ZFC3H1: variants seen among roughly 807,000 people sequenced by gnomAD.
ZFC3H1 encodes zinc finger C3H1-type containing.
A neutral mutation model predicts 243.7 loss-of-function variants in ZFC3H1; 71 were observed. That is an observed-to-expected ratio of 0.29 (90% confidence interval 0.24 to 0.36). The LOEUF is 0.36. ZFC3H1 is among the 10% of genes least tolerant of loss of function. ZFC3H1 has a pLI of 1.00. For missense variants in ZFC3H1, 1,966 were observed against 2,317.1 expected (o/e 0.85, Z 3.11); for synonymous variants, 838 against 813.0 (o/e 1.03, Z -0.52).
At chr12:71,616,350 G>A (rs187757647) in intron 27 of ZFC3H1, among the ~76,000 whole-genome samples, 2 of 152,204 alleles carry the variant, frequency 1.3e-5, no homozygotes, top group East Asian at 3.9e-4. Flanking sequence ...CTCACATACA[G>A]CCATACACAC....
chr12:71,613,508 C>A, intron 30 of ZFC3H1, 73 bp from the exon 31 acceptor site: 1 of 1,010,468 alleles, frequency 9.9e-7, no homozygotes, highest in East Asian at 2.6e-5. Context: ...TGTTTTAACA[C>A]GAAAACCAAA....
chr12:71,650,237 C>T (rs1390333070), intron 2 of ZFC3H1, among the ~76,000 whole-genome samples: 2 of 152,104 alleles, frequency 1.3e-5, no homozygotes, highest in Non-Finnish European at 2.9e-5. Flanking sequence ...GATCACACCA[C>T]TGCACTCCAG....
At chr12:71,632,799 A>T (rs898265503) in intron 14 of ZFC3H1, 87 bp downstream of exon 14, 1 of 1,522,810 alleles carries the variant, frequency 6.6e-7, no homozygotes, top group Admixed American at 2.4e-5. Context: ...TACAGCAAAG[A>T]GTTACTTTAT....
chr12:71,612,136 C>G (rs1255249500), intron 31 of ZFC3H1, among the ~76,000 whole-genome samples: 1 of 152,084 alleles, frequency 6.6e-6, no homozygotes, highest in Non-Finnish European at 1.5e-5. Context: ...TTCTATAGGA[C>G]ATGAAAGCAT....
At chr12:71,629,259 G>C (rs1044571403) in intron 19 of ZFC3H1, among the ~76,000 whole-genome samples, 1 of 150,926 alleles carries the variant, frequency 6.6e-6, no homozygotes, top group Non-Finnish European at 1.5e-5. Flanking sequence ...TCCGCCTCTC[G>C]GGTTCAAGTG....
At chr12:71,611,120 G>T in intron 32 of ZFC3H1, 23 bp from the exon 33 acceptor site, 1 of 1,103,308 alleles carries the variant, frequency 9.1e-7, no homozygotes. Flanking sequence ...AAAAAAAAAA[G>T]AAATATAGAA....
intron 24 of ZFC3H1, among the ~76,000 whole-genome samples, chr12:71,621,813 G>A (rs771446920): frequency 2.0e-4 from 26 of 131,676 alleles, no homozygotes; most frequent in African/African-American, 5.6e-4. Context: ...CAACCCCCCC[G>A]CCTCACCCCC....
In ZFC3H1 at chr12:71,632,293, T is replaced by C. The variant is rs1880341744; in HGVS notation, c.3039A>G (p.Ser1013=). The stretch of plus-strand genomic sequence containing the variant: ...ATTTATCTTGTGTCAGATCATGAAG[T>C]GAGGGTTGAGGTAAAGAAAATTCGG... The part of the protein sequence containing the change: ...EEPEFSLPQP[S]LHDLTQDKLT... Residue 1013 remains serine (S), a synonymous_variant, in exon 15 of 35, where the codon TCA becomes TCG. Coordinates refer to ENST00000378743, the MANE Select transcript of ZFC3H1 (RefSeq NM_144982.5). The C allele has an allele frequency of 1.2e-6, 2 of 1,613,840 alleles. No individual in the cohort carries two copies. Among genetic ancestry groups the C allele is most frequent in the African/African-American group, 1.3e-5 (1 of 75,002 alleles).
chr12:71,628,709 A>G lies in ZFC3H1; in HGVS notation c.3946+209T>C, dbSNP rs539419288. On this transcript the variant is annotated intron_variant, in intron 20 of 34. Coordinates refer to ENST00000378743, the MANE Select transcript of ZFC3H1 (RefSeq NM_144982.5). ...GCAGTGCTCCTTGCATTTACTGGAGAGGAGCCATGAACACAAATATCCCGC... is the reference window on the plus strand; with the variant it reads ...GCAGTGCTCCTTGCATTTACTGGAGGGGAGCCATGAACACAAATATCCCGC... 1.8e-4 allele frequency among the ~76,000 whole-genome samples: 28 copies of G among 152,344 alleles called. 1 individual carries two copies. The South Asian group carries it at 3.5e-3, about 19-fold the overall frequency.
At position 71,614,642 on chromosome 12, in the gene ZFC3H1, T is replaced by C; in HGVS notation, c.5419A>G (p.Lys1807Glu). ...CTATTCACTAAATCAGTAAAAAATTTGAATTCTTGAACTTTGTTTCTGGAT... is the reference window on the plus strand; with the variant it reads ...CTATTCACTAAATCAGTAAAAAATTCGAATTCTTGAACTTTGTTTCTGGAT... ...AGSRNKVQEF[K>E]FFTDLVNRCL... is the part of the protein sequence containing the mutation. Residue 1807 changes from lysine to glutamate, a missense_variant, in exon 30 of 35, where the codon AAA (lysine) becomes GAA (glutamate). Transcript: ENST00000378743. The C allele has an allele frequency of 6.2e-7, 1 of 1,613,188 alleles. No homozygotes were observed. The highest frequency in any genetic ancestry group is 8.5e-7 in the Non-Finnish European group (1 of 1,179,578).
intron 10 of ZFC3H1, among the ~76,000 whole-genome samples, chr12:71,635,172 T>C (rs1233996172): frequency 6.6e-6 from 1 of 152,136 alleles, no homozygotes; most frequent in Non-Finnish European, 1.5e-5. Flanking sequence ...GTCTCCTTAC[T>C]ACACAGAACA....
intron 10 of ZFC3H1, among the ~76,000 whole-genome samples, chr12:71,635,034 G>A (rs762617749): frequency 6.6e-6 from 1 of 152,068 alleles, no homozygotes; most frequent in African/African-American, 2.4e-5. Flanking sequence ...TCTACAGTCT[G>A]AAAATCATTG....
At chr12:71,633,109 A>G in intron 13 of ZFC3H1, 92 bp from the exon 14 acceptor site, 1 of 1,430,918 alleles carries the variant, frequency 7.0e-7, no homozygotes, top group Non-Finnish European at 9.3e-7. Flanking sequence ...TGAGCATTCA[A>G]CTGAAAATAA....
At position 71,619,347 on chromosome 12, in the gene ZFC3H1, C is replaced by T; in HGVS notation, c.5112G>A (p.Gly1704=). The T allele has an allele frequency of 1.2e-6, 2 of 1,613,628 alleles. No homozygotes were observed. Among genetic ancestry groups the T allele is most frequent in the South Asian group, 1.1e-5 (1 of 91,026 alleles). The change falls in exon 27 of 35, where the codon GGG becomes GGA. Residue 1704 remains glycine (G), a synonymous_variant. Transcript: ENST00000378743. ...GATCCAAGTTATTATACTTCTCAAA[C>T]CCCGGTTTAAAGAAGGATGCAATAA... is the stretch of plus-strand genomic sequence containing the variant. ...RKFIASFFKP[G]FEKYNNLDLF... is the part of the protein sequence containing the mutation.
chr12:71,660,878 TAAGG>T (rs1881151548), intron 1 of ZFC3H1, among the ~76,000 whole-genome samples: 1 of 151,762 alleles, frequency 6.6e-6, no homozygotes, highest in African/African-American at 2.4e-5. Context: ...TTTGGGAGTC[TAAGG>T]AAGGAGGATC....
chr12:71,654,079 T>C (rs1008846574), intron 2 of ZFC3H1, among the ~76,000 whole-genome samples: 1 of 151,988 alleles, frequency 6.6e-6, no homozygotes, highest in African/African-American at 2.4e-5. Flanking sequence ...AAAATATCTT[T>C]TAAAAAGAGT....
intron 4 of ZFC3H1, 132 bp downstream of exon 4, chr12:71,644,745 G>A (rs1178512033): frequency 2.9e-6 from 3 of 1,021,116 alleles, no homozygotes; most frequent in Non-Finnish European, 4.1e-6. Context: ...CTGAACCTGG[G>A]AGGTGGAGGT....
chr12:71,636,680 A>G (rs745868496), intron 8 of ZFC3H1, 26 bp from the exon 9 acceptor site: 2 of 1,582,746 alleles, frequency 1.3e-6, no homozygotes, highest in Admixed American at 2.0e-5. Context: ...AAAGACATTA[A>G]ACATTCCTAA....
chr12:71,611,428 A>T (rs1879766889), intron 32 of ZFC3H1: 1 of 171,944 alleles, frequency 5.8e-6, no homozygotes, highest in Admixed American at 7.7e-5. Flanking sequence ...CACCTTTAAA[A>T]GAAAGAAGAA....
Sources: allele counts gnomAD v4.1 joint callset (sites outside exome capture counted in the v4.1 genomes callset), GRCh38; gene constraint gnomAD v4.1.1; transcripts MANE v1.5; gene names NCBI Gene and HGNC (gene_info 2026-07-23, HGNC 2026-07-21).